The following BST1 variants were observed in gnomAD, a reference collection of about 807,000 sequenced individuals.
BST1 encodes the protein ADP-ribosyl cyclase/cyclic ADP-ribose hydrolase 2.
In BST1, 49 loss-of-function variants were observed where a neutral mutation model predicts 40.6. The ratio of observed to expected loss-of-function variants is 1.21; its 90% CI spans 0.96 to 1.53. BST1 has a LOEUF of 1.53. Ranked by LOEUF, BST1 falls within the 40% of genes most tolerant of loss-of-function variation. BST1 has a pLI of 0.00. For missense variants in BST1, 423 were observed against 395.9 expected (o/e 1.07, Z -0.58); for synonymous variants, 157 against 159.3 (o/e 0.99, Z 0.11).
the BST1 span, among the ~76,000 whole-genome samples, chr4:15,767,628 T>C: frequency 6.6e-6 from 1 of 151,938 alleles, no homozygotes; most frequent in African/African-American, 2.4e-5. Flanking sequence ...TAATCAAGTT[T>C]TATAAAAATC....
the BST1 span, among the ~76,000 whole-genome samples, chr4:15,769,051 G>A: frequency 1.3e-5 from 2 of 151,900 alleles, no homozygotes; most frequent in Non-Finnish European, 2.9e-5. Flanking sequence ...GACACTCAAC[G>A]ATGTTAGCAA....
chr4:15,769,169 C>T, the BST1 span, among the ~76,000 whole-genome samples: 2 of 152,146 alleles, frequency 1.3e-5, no homozygotes, highest in East Asian at 3.9e-4. Context: ...CCAACAGATG[C>T]TTGTTGATAG....
At chr4:15,763,642 T>C in the BST1 span, among the ~76,000 whole-genome samples, 4 of 151,956 alleles carry the variant, frequency 2.6e-5, no homozygotes, top group Admixed American at 2.6e-4. Context: ...TAAGAAAAAT[T>C]TACTGTCAGG....
chr4:15,735,116 T>G (rs1721507572), downstream of BST1, among the ~76,000 whole-genome samples: 2 of 152,174 alleles, frequency 1.3e-5, no homozygotes, highest in African/African-American at 4.8e-5. Context: ...TTTGAACATG[T>G]TGGTCTCTCT....
chr4:15,760,423 A>G, the BST1 span, among the ~76,000 whole-genome samples: 3 of 151,860 alleles, frequency 2.0e-5, no homozygotes, highest in African/African-American at 7.3e-5. Flanking sequence ...ATGTTTTCAT[A>G]TCTCTTGGGT....
chr4:15,710,402 C>A (rs566092172), intron 3 of BST1, among the ~76,000 whole-genome samples: 45 of 152,160 alleles, frequency 3.0e-4, no homozygotes, highest in African/African-American at 9.4e-4. Flanking sequence ...ATTAGCATAT[C>A]AATCATCTTA....
At chr4:15,767,350 C>A in the BST1 span, among the ~76,000 whole-genome samples, 4 of 151,800 alleles carry the variant, frequency 2.6e-5, no homozygotes, top group Non-Finnish European at 5.9e-5. Context: ...TGTCACCAGG[C>A]TGGAGTGTAA....
chr4:15,725,959 T>C (rs1358750890), intron 8 of BST1, among the ~76,000 whole-genome samples: 1 of 117,534 alleles, frequency 8.5e-6, no homozygotes, highest in African/African-American at 3.5e-5. Flanking sequence ...TTTTTTTTTT[T>C]TTTTTTTTTT....
At position 15,707,624 on chromosome 4, in the gene BST1, G is replaced by A; in HGVS notation, c.429G>A (p.Trp143Ter). The A allele has an allele frequency of 1.9e-6, 3 of 1,614,018 alleles. No homozygotes were observed. The highest frequency in any genetic ancestry group is 2.5e-6 in the Non-Finnish European group (3 of 1,180,004). The stretch of plus-strand genomic sequence containing the variant: ...GCAGGGTTGCAGATTTCTTGAGCTG[G>A]TGTCGACAGAAAAATGACTCTGGTA... The part of the protein sequence containing the change: ...LYGRVADFLS[W>*]CRQKNDSGLD... Residue 143 changes from tryptophan to a stop codon, truncating the protein, a stop_gained, in exon 3 of 9, where the codon TGG becomes TGA. Transcript: ENST00000265016. LOFTEE classifies it high-confidence loss of function.
At chr4:15,718,808 AG>A (rs1418818141) in intron 6 of BST1, 98 bp from the exon 7 acceptor site, 2 of 978,922 alleles carry the variant, frequency 2.0e-6, no homozygotes, top group African/African-American at 3.3e-5. Context: ...TAGAATATCC[AG>A]GAGCACATGG....
chr4:15,715,867 G>C lies in BST1; in HGVS notation c.704+68G>C. Reference sequence around the variant, plus strand: ...TTTTTCTTGTATATAATATGATAAAGTTCGTTTAACATTTTCAGTTTAGGG... The same window carrying C: ...TTTTTCTTGTATATAATATGATAAACTTCGTTTAACATTTTCAGTTTAGGG... On this transcript the variant is annotated intron_variant, in intron 6 of 8. Transcript: ENST00000265016. The C allele has an allele frequency of 2.5e-6, 3 of 1,197,458 alleles. No homozygotes were observed. The South Asian group carries it at 5.0e-5, about 20-fold the overall frequency. The allele number at this position is 1,197,458 out of a possible 1,614,324, so 74.2% of individuals were successfully genotyped here. A position where few individuals can be genotyped will look rare whatever the true frequency, so the allele number is the denominator to read the frequency against.
At chr4:15,744,921 A>T in the BST1 span, among the ~76,000 whole-genome samples, 2 of 152,282 alleles carry the variant, frequency 1.3e-5, no homozygotes, top group African/African-American at 4.8e-5. Context: ...TCTGTAAGTC[A>T]TCACTTCTAG....
intron 6 of BST1, 88 bp from the exon 7 acceptor site, chr4:15,718,819 G>T (rs1720650637): frequency 8.6e-7 from 1 of 1,160,778 alleles, no homozygotes; most frequent in South Asian, 1.5e-5. Flanking sequence ...GGAGCACATG[G>T]TCAAAAGAAA....
intron 8 of BST1, among the ~76,000 whole-genome samples, chr4:15,725,641 G>T (rs6844968): frequency 0.13 from 20,477 of 152,084 alleles, 2,595 homozygotes; most frequent in East Asian, 0.52. Context: ...CATCTGGAAT[G>T]TTTATTTCAA....
chr4:15,715,378 A>T lies in BST1; in HGVS notation c.611+17A>T, dbSNP rs1378418481. 6.2e-7 allele frequency: 1 copy of T among 1,611,794 alleles called. No homozygotes were observed. Among genetic ancestry groups the T allele is most frequent in the Admixed American group, 1.7e-5 (1 of 59,950 alleles). On this transcript the variant is annotated intron_variant, in intron 5 of 8. Coordinates refer to ENST00000265016, the MANE Select transcript of BST1 (RefSeq NM_004334.3). ...CATCAAAGGGTAAGAACACCAGCACATTCAAACACAAGAGAGAATGCCAAA... is the reference window on the plus strand; with the variant it reads ...CATCAAAGGGTAAGAACACCAGCACTTTCAAACACAAGAGAGAATGCCAAA...
At chr4:15,735,445 T>C (rs1021109881), downstream of BST1, among the ~76,000 whole-genome samples, 18 of 152,152 alleles carry the variant, frequency 1.2e-4, no homozygotes, top group African/African-American at 4.3e-4. Context: ...AGCTTTCTTT[T>C]GTTGGAGGAG....
chr4:15,731,506 T>C (rs1721370510), intron 8 of BST1: 1 of 1,034,934 alleles, frequency 9.7e-7, no homozygotes, highest in Admixed American at 1.8e-5. Context: ...TGGGGAGTCA[T>C]AGTTCTTGAA....
the BST1 span, among the ~76,000 whole-genome samples, chr4:15,757,513 G>A: frequency 2.0e-5 from 3 of 149,870 alleles, no homozygotes; most frequent in East Asian, 3.9e-4. Context: ...ACCCCGCCCC[G>A]CAGACTGTTC....
At chr4:15,758,200 A>G in the BST1 span, among the ~76,000 whole-genome samples, 2 of 151,946 alleles carry the variant, frequency 1.3e-5, no homozygotes, top group Admixed American at 1.3e-4. Flanking sequence ...ACACAGGCAA[A>G]TTGTGTGTCA....
Sources: gnomAD v4.1 joint callset for allele counts (sites outside exome capture counted in the v4.1 genomes callset) on GRCh38, gnomAD v4.1.1 for gene constraint, MANE v1.5 for transcripts, NCBI Gene and HGNC (gene_info 2026-07-23, HGNC 2026-07-21) for gene names.